CD48: variants seen among roughly 807,000 people sequenced by gnomAD.
CD48 encodes CD48 molecule.
Under a neutral mutation model 22.0 loss-of-function variants are expected in CD48, and 20 were observed. The observed-to-expected ratio is 0.91, with a 90% CI of 0.64 to 1.32. The LOEUF is 1.32. Ranked by LOEUF, CD48 falls within the 40% of genes most tolerant of loss-of-function variation. The pLI is 0.00. For missense variants in CD48, 307 were observed against 286.5 expected (o/e 1.07, Z -0.52); for synonymous variants, 110 against 110.1 (o/e 1.00, Z 0.01).
At chr1:160,696,105 T>C (rs1319431959) in intron 1 of CD48, among the ~76,000 whole-genome samples, 987 of 140,206 alleles carry the variant, frequency 7.0e-3, no homozygotes, top group African/African-American at 0.015. Context: ...CTTTAGAAAA[T>C]GCTCTAACAG....
At chr1:160,679,761 A>T (rs562081564) in intron 3 of CD48, among the ~76,000 whole-genome samples, 1 of 152,334 alleles carries the variant, frequency 6.6e-6, no homozygotes, top group African/African-American at 2.4e-5. Context: ...TTCCAAAAAA[A>T]ATGGATTTAT....
At chr1:160,702,538 G>A (rs903113866) in intron 1 of CD48, among the ~76,000 whole-genome samples, 14 of 152,122 alleles carry the variant, frequency 9.2e-5, no homozygotes, top group Non-Finnish European at 1.9e-4. Context: ...GCAAACATTT[G>A]CCCAATGTTT....
At chr1:160,693,975 T>A (rs1277707926) in intron 1 of CD48, among the ~76,000 whole-genome samples, 1 of 152,214 alleles carries the variant, frequency 6.6e-6, no homozygotes, top group African/African-American at 2.4e-5. Context: ...ATACAAGCAG[T>A]CTCTCTGCTT....
At chr1:160,708,883 A>G (rs77794256) in intron 1 of CD48, among the ~76,000 whole-genome samples, 384 of 152,304 alleles carry the variant, frequency 2.5e-3, no homozygotes, top group Non-Finnish European at 3.9e-3. Flanking sequence ...AGAAAAGACC[A>G]TGCAGCATTT....
chr1:160,682,861 A>G (rs1198781005), intron 2 of CD48, among the ~76,000 whole-genome samples: 1 of 152,242 alleles, frequency 6.6e-6, no homozygotes, highest in Admixed American at 6.5e-5. Context: ...TTTACCTGCA[A>G]TCCTCTGAGA....
Position 160,700,278 on chromosome 1 carries a change from G to A in CD48, c.82+11404C>T, listed in dbSNP as rs886150451. ...TTTTTGGATAATGATTGTCAATAAC[G>A]CCAATAAAATCAGCCAAGTGAATTT... On this transcript the variant is annotated intron_variant, in intron 1 of 3. Coordinates refer to ENST00000368046, the MANE Select transcript of CD48 (RefSeq NM_001778.4). Among the ~76,000 whole-genome samples the A allele has an allele frequency of 4.6e-5, 7 of 152,052 alleles. No individual in the cohort carries two copies. In the South Asian group the frequency reaches 6.2e-4, roughly 13 times the overall value.
intron 1 of CD48, among the ~76,000 whole-genome samples, chr1:160,700,155 G>A (rs369091390): frequency 6.6e-6 from 1 of 152,172 alleles, no homozygotes. Context: ...CATTACTGGA[G>A]CCATCAGTGA....
intron 3 of CD48, chr1:160,680,663 A>T (rs1571045870): frequency 9.9e-7 from 1 of 1,010,842 alleles, no homozygotes; most frequent in Non-Finnish European, 1.2e-6. Flanking sequence ...ATCTAGGAAC[A>T]TCAGGCTGGG....
At chr1:160,681,079 C>T (rs991759707) in intron 3 of CD48, 123 bp downstream of exon 3, 3 of 1,547,754 alleles carry the variant, frequency 1.9e-6, no homozygotes, top group African/African-American at 1.4e-5. Context: ...CCAGCTCTCC[C>T]AGACACCTTA....
intron 1 of CD48, chr1:160,699,832 C>T (rs530285765): frequency 6.6e-4 from 100 of 151,910 alleles, no homozygotes; most frequent in Middle Eastern, 6.8e-3. Flanking sequence ...GAAACACCCA[C>T]GAATGATCAA....
chr1:160,690,075 G>C (rs1383527409), intron 1 of CD48, among the ~76,000 whole-genome samples: 1 of 152,170 alleles, frequency 6.6e-6, no homozygotes, highest in Non-Finnish European at 1.5e-5. Flanking sequence ...GGTTTTTAAA[G>C]TGCGATTGGC....
At chr1:160,704,409 T>C (rs1408278822) in intron 1 of CD48, among the ~76,000 whole-genome samples, 1 of 150,460 alleles carries the variant, frequency 6.6e-6, no homozygotes, top group African/African-American at 2.5e-5. Context: ...GGGATACATG[T>C]ATGAGGGTTG....
chr1:160,693,044 C>T (rs1010614658), intron 1 of CD48, among the ~76,000 whole-genome samples: 2 of 152,254 alleles, frequency 1.3e-5, no homozygotes, highest in Non-Finnish European at 2.9e-5. Context: ...TGCCAATCCT[C>T]CAGTTAACAT....
At chr1:160,682,225 A>T (rs942928678) in intron 2 of CD48, among the ~76,000 whole-genome samples, 2 of 151,784 alleles carry the variant, frequency 1.3e-5, no homozygotes, top group East Asian at 1.9e-4. Flanking sequence ...AGGCAGGAGG[A>T]TTGCTTGCAG....
chr1:160,691,317 A>T (rs149966412), intron 1 of CD48, among the ~76,000 whole-genome samples: 6,207 of 152,310 alleles, frequency 0.041, 178 homozygotes, highest in East Asian at 0.13. Context: ...ATGTCTCGGT[A>T]TAAAACCCGA....
intron 1 of CD48, among the ~76,000 whole-genome samples, chr1:160,705,123 C>T (rs182181262): frequency 1.3e-5 from 2 of 152,326 alleles, no homozygotes; most frequent in Non-Finnish European, 2.9e-5. Context: ...AAAACATTCT[C>T]AACCACTAAA....
intron 1 of CD48, among the ~76,000 whole-genome samples, chr1:160,701,806 T>C (rs980589444): frequency 2.0e-5 from 3 of 152,076 alleles, no homozygotes; most frequent in African/African-American, 7.2e-5. Flanking sequence ...CCTACCTTAG[T>C]GGGATGTTTA....
chr1:160,708,686 G>A lies in CD48; in HGVS notation c.82+2996C>T, dbSNP rs1049331418. Among the ~76,000 whole-genome samples, 11 of 152,248 alleles carry A rather than the reference G, an allele frequency of 7.2e-5. 1 individual carries two copies. Among genetic ancestry groups the A allele is most frequent in the Middle Eastern group, 3.4e-3 (1 of 294 alleles). ...GTGGAGATGTCATTTATAGAGGTGGGGAACAGTGGAGGAGCAGTAGGTTTG... is the reference window on the plus strand; with the variant it reads ...GTGGAGATGTCATTTATAGAGGTGGAGAACAGTGGAGGAGCAGTAGGTTTG... On this transcript the variant is annotated intron_variant, in intron 1 of 3. Coordinates refer to ENST00000368046, the MANE Select transcript of CD48 (RefSeq NM_001778.4).
chr1:160,687,424 A>T (rs1375653460), intron 1 of CD48, among the ~76,000 whole-genome samples: 2 of 152,206 alleles, frequency 1.3e-5, no homozygotes, highest in African/African-American at 4.8e-5. Flanking sequence ...AGGAAATCAC[A>T]AGGGTATTGA....
Sources: gnomAD v4.1 joint callset for allele counts (sites outside exome capture counted in the v4.1 genomes callset) on GRCh38, gnomAD v4.1.1 for gene constraint, MANE v1.5 for transcripts, NCBI Gene and HGNC (gene_info 2026-07-23, HGNC 2026-07-21) for gene names.